Variants in RTTN observed in about 807,000 individuals in gnomAD.
RTTN encodes the protein rotatin.
Under a neutral mutation model 269.2 loss-of-function variants are expected in RTTN, and 182 were observed. The ratio of observed to expected loss-of-function variants is 0.68; its 90% confidence interval spans 0.60 to 0.76. The LOEUF (loss-of-function observed/expected upper bound fraction) is 0.76, where lower values mean the gene tolerates loss of function less well. Ranked by LOEUF, RTTN falls within the 30% of genes least tolerant of loss-of-function variation. The pLI is 0.00. For synonymous variants in RTTN, 1,006 were observed against 963.5 expected (o/e 1.04, Z -0.82); for missense variants, 2,545 against 2,608.6 (o/e 0.98, Z 0.53).
intron 28 of RTTN, among the ~76,000 whole-genome samples, chr18:70,102,958 G>A (rs993389565): frequency 3.2e-4 from 48 of 148,976 alleles, no homozygotes; most frequent in African/African-American, 1.0e-3. Flanking sequence ...AGTGAGGAGC[G>A]CCTCTGCCCA....
intron 11 of RTTN, among the ~76,000 whole-genome samples, chr18:70,173,710 A>G (rs1177162472): frequency 6.6e-6 from 1 of 152,176 alleles, no homozygotes; most frequent in African/African-American, 2.4e-5. Context: ...ATGATCTGAG[A>G]TATTTTTACC....
intron 37 of RTTN, 84 bp from the exon 38 acceptor site, chr18:70,054,368 C>A: frequency 3.2e-6 from 4 of 1,240,252 alleles, no homozygotes; most frequent in South Asian, 1.7e-5. Flanking sequence ...TTTTGTAACA[C>A]AATAAAAAAT....
In RTTN at chr18:70,003,361, ACT is replaced by A. The variant is rs1474304808; in HGVS notation, c.*788_*789del. ...GCCATCTTCTGCATTTTTCAGTCTT[ACT>A]CTATTCTTCATGATGTTTTGGGCTG... On this transcript the variant is annotated 3_prime_UTR_variant, in exon 49 of 49. Coordinates refer to ENST00000640769, the MANE Select transcript of RTTN (RefSeq NM_173630.4). The A allele has an allele frequency of 1.3e-5, 2 of 151,758 alleles. No homozygotes were observed. The highest frequency in any genetic ancestry group is 3.9e-4 in the East Asian group (2 of 5,182). The allele number at this position is 151,758 out of a possible 1,614,324, so 9.4% of individuals were successfully genotyped here.
At chr18:70,138,746 T>C (rs1422478435) in intron 21 of RTTN, 1 of 152,110 alleles carries the variant, frequency 6.6e-6, no homozygotes, top group Non-Finnish European at 1.5e-5. Context: ...TCTTACTCAC[T>C]TGGCAAGCAG....
intron 28 of RTTN, among the ~76,000 whole-genome samples, chr18:70,104,296 T>C (rs1051632228): frequency 1.3e-5 from 2 of 152,344 alleles, no homozygotes; most frequent in African/African-American, 2.4e-5. Flanking sequence ...CTGAAGCTTG[T>C]GCATATGTCA....
intron 40 of RTTN, among the ~76,000 whole-genome samples, chr18:70,031,837 G>A (rs1234341479): frequency 6.6e-6 from 1 of 151,926 alleles, no homozygotes; most frequent in Non-Finnish European, 1.5e-5. Context: ...TGGGGCTGAA[G>A]GGGGAGGAAG....
chr18:70,180,631 C>T (rs1421466811), intron 10 of RTTN, among the ~76,000 whole-genome samples: 1 of 148,274 alleles, frequency 6.7e-6, no homozygotes, highest in Non-Finnish European at 1.5e-5. Flanking sequence ...ATCCCAAGTT[C>T]ATAGTTCATA....
intron 14 of RTTN, among the ~76,000 whole-genome samples, chr18:70,156,140 G>A (rs903207203): frequency 2.0e-5 from 3 of 152,206 alleles, no homozygotes; most frequent in Non-Finnish European, 4.4e-5. Context: ...GACTGCCGGT[G>A]AGCCGGGTGG....
rs191666808 is a variant in RTTN, at chr18:70,016,251, C to T, written c.6421+1156G>A. 2.3e-3 allele frequency among the ~76,000 whole-genome samples: 347 copies of T among 151,764 alleles called. 1 individual carries two copies. The highest frequency in any genetic ancestry group is 8.0e-3 in the African/African-American group (333 of 41,472). ...GAATCATTTTCGTACACTTAGAAAA[C>T]CCTTGATTTCACAGAAAAATGCTTC... On this transcript the variant is annotated intron_variant, in intron 46 of 48. Transcript: ENST00000640769.
chr18:70,160,947 A>G (rs747920684), intron 14 of RTTN, among the ~76,000 whole-genome samples: 4 of 152,244 alleles, frequency 2.6e-5, no homozygotes, highest in Non-Finnish European at 5.9e-5. Flanking sequence ...ATTCAACACT[A>G]TTCTTATCAA....
Position 70,148,869 on chromosome 18 carries a change from CTT to C in RTTN, c.2309+30_2309+31del, listed in dbSNP as rs769010329. On this transcript the variant is annotated intron_variant, in intron 17 of 48. Transcript: ENST00000640769. Reference sequence around the variant, plus strand: ...ACTTTCTTAGCATGTTTCCATCAATCTTTGACGTTCACAAGATTACGTTGTAC... The same window carrying C: ...ACTTTCTTAGCATGTTTCCATCAATCTGACGTTCACAAGATTACGTTGTAC... 1.7e-5 allele frequency: 27 copies of C among 1,610,492 alleles called. No individual in the cohort carries two copies. The African/African-American group carries it at 3.5e-4, about 21-fold the overall frequency.
At chr18:70,035,872 C>A (rs2057157517) in intron 40 of RTTN, among the ~76,000 whole-genome samples, 1 of 152,114 alleles carries the variant, frequency 6.6e-6, no homozygotes, top group Non-Finnish European at 1.5e-5. Flanking sequence ...AAAAACAACC[C>A]CATTAAGAAG....
At chr18:70,161,669 A>C (rs189272401) in intron 14 of RTTN, among the ~76,000 whole-genome samples, 2 of 152,192 alleles carry the variant, frequency 1.3e-5, no homozygotes, top group African/African-American at 2.4e-5. Context: ...AAATAACCCC[A>C]TTACAAATGG....
chr18:70,139,152 G>A (rs916025024), intron 21 of RTTN, among the ~76,000 whole-genome samples: 6 of 152,134 alleles, frequency 3.9e-5, no homozygotes, highest in Admixed American at 6.6e-5. Context: ...ATTTAGGATG[G>A]TCTAGTTTCT....
At chr18:70,143,609 G>A (rs1448492386) in intron 18 of RTTN, among the ~76,000 whole-genome samples, 1 of 152,090 alleles carries the variant, frequency 6.6e-6, no homozygotes, top group Non-Finnish European at 1.5e-5. Flanking sequence ...GTGGGGGGTA[G>A]GAGGCGGGAG....
Position 70,205,255 on chromosome 18 carries a change from T to C in RTTN, c.92A>G (p.His31Arg), listed in dbSNP as rs762706767. Residue 31 changes from histidine (H) to arginine (R), a missense_variant, in exon 2 of 49, where the codon CAC (histidine) becomes CGC (arginine). His to Arg is a conservative substitution (Grantham distance 29). Coordinates refer to ENST00000640769, the MANE Select transcript of RTTN (RefSeq NM_173630.4). Reference protein sequence around the residue: ...ALKSILCKIEHNLICYADLIQ... With the variant: ...ALKSILCKIERNLICYADLIQ... Reference sequence around the variant, plus strand: ...GAGATCAGCGTAGCAGATTAAGTTGTGCTCAATCTTGCAGAGAATACTCTT... The same window carrying C: ...GAGATCAGCGTAGCAGATTAAGTTGCGCTCAATCTTGCAGAGAATACTCTT... 1 of 1,614,206 alleles carries C rather than the reference T, an allele frequency of 6.2e-7. No individual in the cohort carries two copies. The highest frequency in any genetic ancestry group is 1.3e-5 in the African/African-American group (1 of 75,056).
At chr18:70,016,209 A>G (rs956811506) in intron 46 of RTTN, among the ~76,000 whole-genome samples, 2 of 49,118 alleles carry the variant, frequency 4.1e-5, no homozygotes, top group Admixed American at 6.8e-4. Context: ...AACTATATAC[A>G]CCACAAAATA....
chr18:70,114,569 G>A lies in RTTN; in HGVS notation c.3559C>T (p.Leu1187=), dbSNP rs748101620. The A allele has an allele frequency of 2.5e-6, 4 of 1,613,220 alleles. No homozygotes were observed. The Admixed American group carries it at 6.7e-5, about 27-fold the overall frequency. ...TCTTCTCGTGCCTGTGACTCTGTCAGAACCAAGAGGTCTAACAGTGGGTTT... is the reference window on the plus strand; with the variant it reads ...TCTTCTCGTGCCTGTGACTCTGTCAAAACCAAGAGGTCTAACAGTGGGTTT... ...SANPLLDLLV[L]TESQAREETD... The change falls in exon 27 of 49, where the codon CTG becomes TTG. Residue 1187 remains leucine (L), a synonymous_variant. Coordinates refer to ENST00000640769, the MANE Select transcript of RTTN (RefSeq NM_173630.4).
At chr18:70,162,614 A>G (rs543127221) in intron 14 of RTTN, among the ~76,000 whole-genome samples, 1 of 152,314 alleles carries the variant, frequency 6.6e-6, no homozygotes, top group East Asian at 1.9e-4. Context: ...TTAGAAGAAC[A>G]GGATGGGGGA....
Sources: gnomAD v4.1 joint callset for allele counts (sites outside exome capture counted in the v4.1 genomes callset) on GRCh38, gnomAD v4.1.1 for gene constraint, MANE v1.5 for transcripts, NCBI Gene and HGNC (gene_info 2026-07-23, HGNC 2026-07-21) for gene names.